The following LRRTM4 variants were observed in gnomAD, a reference collection of about 807,000 sequenced individuals.
The protein encoded by LRRTM4 is leucine rich repeat transmembrane neuronal 4.
A neutral mutation model predicts 47.6 loss-of-function variants in LRRTM4; 25 were observed. The ratio of observed to expected loss-of-function variants is 0.53; its 90% confidence interval spans 0.38 to 0.73. The LOEUF (loss-of-function observed/expected upper bound fraction) is 0.73. Ranked by LOEUF, LRRTM4 falls within the 30% of genes least tolerant of loss-of-function variation. The probability of loss-of-function intolerance (pLI) is 0.00; values close to 1 mark genes in which losing one functional copy is unlikely to be tolerated. For synonymous variants in LRRTM4, 311 were observed against 269.5 expected (o/e 1.15, Z -1.51); for missense variants, 638 against 713.4 (o/e 0.89, Z 1.20).
intron 3 of LRRTM4, among the ~76,000 whole-genome samples, chr2:76,899,761 A>T (rs1295390067): frequency 1.3e-5 from 2 of 152,188 alleles, no homozygotes; most frequent in East Asian, 3.8e-4. Context: ...TAAAAGGCAA[A>T]AACAGGTGAA....
chr2:76,762,867 G>A (rs1673307340), intron 3 of LRRTM4, among the ~76,000 whole-genome samples: 1 of 152,154 alleles, frequency 6.6e-6, no homozygotes, highest in Non-Finnish European at 1.5e-5. Flanking sequence ...TTTATGTCAT[G>A]TGAAGCAGGA....
intron 3 of LRRTM4, among the ~76,000 whole-genome samples, chr2:77,375,981 T>C (rs1373164477): frequency 1.3e-5 from 2 of 151,800 alleles, no homozygotes; most frequent in Non-Finnish European, 2.9e-5. Flanking sequence ...TTTTAAATCG[T>C]TCATACAAAT....
chr2:77,139,947 A>G (rs188851167), intron 3 of LRRTM4, among the ~76,000 whole-genome samples: 2 of 152,310 alleles, frequency 1.3e-5, no homozygotes, highest in East Asian at 3.9e-4. Flanking sequence ...AAGGAGAACT[A>G]CAAACCACTT....
intron 3 of LRRTM4, among the ~76,000 whole-genome samples, chr2:76,871,386 A>G (rs557026596): frequency 6.6e-6 from 1 of 152,286 alleles, no homozygotes; most frequent in Non-Finnish European, 1.5e-5. Flanking sequence ...CAGAGAATCT[A>G]AAGTATAGAC....
At chr2:77,236,365 G>GT (rs1675102935) in intron 3 of LRRTM4, among the ~76,000 whole-genome samples, 1 of 152,006 alleles carries the variant, frequency 6.6e-6, no homozygotes, top group African/African-American at 2.4e-5. Context: ...CATTGATTGT[G>GT]TATTCTGATA....
At chr2:77,293,236 G>T (rs1676879448) in intron 3 of LRRTM4, among the ~76,000 whole-genome samples, 1 of 152,082 alleles carries the variant, frequency 6.6e-6, no homozygotes, top group Non-Finnish European at 1.5e-5. Context: ...AGAAAGTTCT[G>T]ACTATAACCA....
At chr2:77,005,024 T>C (rs1038495791) in intron 3 of LRRTM4, among the ~76,000 whole-genome samples, 1 of 152,320 alleles carries the variant, frequency 6.6e-6, no homozygotes, top group Non-Finnish European at 1.5e-5. Flanking sequence ...TATTTGATTT[T>C]ACAGGCTCCT....
chr2:77,238,797 G>T (rs796174726), intron 3 of LRRTM4, among the ~76,000 whole-genome samples: 1 of 151,646 alleles, frequency 6.6e-6, no homozygotes, highest in Non-Finnish European at 1.5e-5. Context: ...CAAAAAAATG[G>T]CATTATTAAA....
chr2:76,897,350 A>T lies in LRRTM4; in HGVS notation c.1552-148434T>A, dbSNP rs118095121. 1.1e-3 allele frequency among the ~76,000 whole-genome samples: 171 copies of T among 152,274 alleles called. 2 individuals are homozygous for T. The East Asian group carries it at 0.03, about 27-fold the overall frequency. On this transcript the variant is annotated intron_variant, in intron 3 of 3. Coordinates refer to ENST00000409884, the MANE Select transcript of LRRTM4 (RefSeq NM_001134745.3). ...ATTCTGTCTTTGTATCTAAAATAAAAGTAAGAGCTTGTGTGTAAGGGACAG... is the reference window on the plus strand; with the variant it reads ...ATTCTGTCTTTGTATCTAAAATAAATGTAAGAGCTTGTGTGTAAGGGACAG...
chr2:77,506,643 A>T (rs1362453130), intron 3 of LRRTM4, among the ~76,000 whole-genome samples: 4 of 151,908 alleles, frequency 2.6e-5, no homozygotes, highest in African/African-American at 9.6e-5. Context: ...AAGATAAAAA[A>T]CATAAAAAGT....
intron 3 of LRRTM4, among the ~76,000 whole-genome samples, chr2:77,164,823 G>A (rs1672833505): frequency 1.3e-5 from 2 of 152,112 alleles, no homozygotes; most frequent in African/African-American, 4.8e-5. Flanking sequence ...AGTGTGTAGA[G>A]GGAAATTTAT....
intron 3 of LRRTM4, among the ~76,000 whole-genome samples, chr2:77,005,093 T>C (rs113263121): frequency 0.022 from 3,303 of 152,208 alleles, 119 homozygotes; most frequent in African/African-American, 0.076. Flanking sequence ...TTTGGGTTAA[T>C]GCTGGAGTTA....
chr2:76,929,807 T>C (rs1464566087), intron 3 of LRRTM4, among the ~76,000 whole-genome samples: 1 of 152,046 alleles, frequency 6.6e-6, no homozygotes, highest in South Asian at 2.1e-4. Flanking sequence ...AAGAGAAAAA[T>C]CAAAGTTACC....
At chr2:76,954,831 C>CTG (rs1173846133) in intron 3 of LRRTM4, among the ~76,000 whole-genome samples, 4 of 151,790 alleles carry the variant, frequency 2.6e-5, no homozygotes, top group Non-Finnish European at 5.9e-5. Flanking sequence ...ACATCACATA[C>CTG]ATATTCATAA....
At chr2:77,121,002 C>T (rs965903330) in intron 3 of LRRTM4, among the ~76,000 whole-genome samples, 3 of 151,738 alleles carry the variant, frequency 2.0e-5, no homozygotes, top group African/African-American at 7.2e-5. Context: ...ATCTACGTAT[C>T]TGTGTACGGG....
intron 3 of LRRTM4, among the ~76,000 whole-genome samples, chr2:76,794,634 CCTAGTATTTA>C (rs1293987656): frequency 1.3e-5 from 2 of 152,092 alleles, no homozygotes; most frequent in Non-Finnish European, 2.9e-5. Flanking sequence ...TATCTGTTTT[CCTAGTATTTA>C]CATTTTTTTG....
chr2:77,016,213 C>A (rs903475555), intron 3 of LRRTM4, among the ~76,000 whole-genome samples: 1 of 151,874 alleles, frequency 6.6e-6, no homozygotes, highest in Admixed American at 6.6e-5. Context: ...TTGTGACATC[C>A]TGACTCTACT....
chr2:77,149,099 G>A (rs1242121077), intron 3 of LRRTM4, among the ~76,000 whole-genome samples: 1 of 152,126 alleles, frequency 6.6e-6, no homozygotes, highest in Non-Finnish European at 1.5e-5. Flanking sequence ...AGTAAGTACT[G>A]TGACCACTAG....
intron 3 of LRRTM4, among the ~76,000 whole-genome samples, chr2:76,915,487 G>C (rs1345162014): frequency 6.6e-6 from 1 of 152,116 alleles, no homozygotes; most frequent in African/African-American, 2.4e-5. Context: ...CCAAAGCTAA[G>C]GTTTCTGACA....
Sources: allele counts gnomAD v4.1 joint callset (sites outside exome capture counted in the v4.1 genomes callset), GRCh38; gene constraint gnomAD v4.1.1; transcripts MANE v1.5; gene names NCBI Gene and HGNC (gene_info 2026-07-23, HGNC 2026-07-21).